Variants in HS2ST1 observed in about 807,000 individuals in gnomAD.
HS2ST1 encodes the protein 2-O-sulfotransferase.
A neutral mutation model predicts 42.9 loss-of-function variants in HS2ST1; 18 were observed. That is an observed-to-expected ratio of 0.42 (90% CI 0.29 to 0.62). The LOEUF is 0.62. Ranked by LOEUF, HS2ST1 falls within the 20% of genes least tolerant of loss-of-function variation. The probability of loss-of-function intolerance (pLI) is 0.21; values close to 1 mark genes in which losing one functional copy is unlikely to be tolerated. For missense variants in HS2ST1, 334 were observed against 433.8 expected, an observed-to-expected ratio of 0.77 and a Z score of 2.04; for synonymous variants, 146 against 152.9, an observed-to-expected ratio of 0.95 and a Z score of 0.33.
At chr1:87,048,316 C>T (rs531036368) in intron 1 of HS2ST1, among the ~76,000 whole-genome samples, 13 of 152,266 alleles carry the variant, frequency 8.5e-5, no homozygotes, top group African/African-American at 2.2e-4. Flanking sequence ...GGAATTTCTA[C>T]GCATTCAGTC....
In HS2ST1 at chr1:87,066,197, T is replaced by C. The variant is rs1651245870; in HGVS notation, c.125-6737T>C. 2.0e-5 allele frequency among the ~76,000 whole-genome samples: 3 copies of C among 152,256 alleles called. No homozygotes were observed. The South Asian group carries it at 6.2e-4, about 31-fold the overall frequency. Reference sequence around the variant, plus strand: ...CAGTATGGAAATAGGTAAATATTACTGTTACCTTTTAAAAGAATTGAGTTT... The same window carrying C: ...CAGTATGGAAATAGGTAAATATTACCGTTACCTTTTAAAAGAATTGAGTTT... On this transcript the variant is annotated intron_variant, in intron 1 of 6. Coordinates refer to ENST00000370550, the MANE Select transcript of HS2ST1 (RefSeq NM_012262.4).
intron 1 of HS2ST1, among the ~76,000 whole-genome samples, chr1:86,916,560 C>T (rs1483048873): frequency 1.3e-5 from 2 of 152,198 alleles, no homozygotes; most frequent in Non-Finnish European, 2.9e-5. Context: ...AGAGTTACTT[C>T]CAGCCCTCAA....
Position 87,011,409 on chromosome 1 carries a change from A to C in HS2ST1, c.125-61525A>C, listed in dbSNP as rs954946748. Among the ~76,000 whole-genome samples the C allele has an allele frequency of 8.6e-5, 13 of 151,920 alleles. No homozygotes were observed. The East Asian group carries it at 2.5e-3, about 29-fold the overall frequency. On this transcript the variant is annotated intron_variant, in intron 1 of 6. Transcript: ENST00000370550. The stretch of plus-strand genomic sequence containing the variant: ...AGGTGCACACCACCACACCCAGCTA[A>C]TTTTTTAATTTTTTTGTAGTGACAG...
At chr1:87,098,049 T>C (rs924593153) in intron 5 of HS2ST1, 114 bp downstream of exon 5, 2 of 1,502,658 alleles carry the variant, frequency 1.3e-6, no homozygotes, top group Admixed American at 4.6e-5. Flanking sequence ...AGACTAAAAA[T>C]AACATGTAAT....
intron 1 of HS2ST1, among the ~76,000 whole-genome samples, chr1:87,057,789 T>A (rs1468821500): frequency 6.6e-6 from 1 of 151,512 alleles, no homozygotes; most frequent in African/African-American, 2.4e-5. Flanking sequence ...AGGCGGAGCT[T>A]GCAGTGAGCT....
intron 1 of HS2ST1, among the ~76,000 whole-genome samples, chr1:87,056,538 CAA>C (rs1261923648): frequency 6.6e-6 from 1 of 152,060 alleles, no homozygotes; most frequent in Non-Finnish European, 1.5e-5. Flanking sequence ...GATATTTTCT[CAA>C]AAATGAATGA....
chr1:86,990,170 T>G (rs1377879589), intron 1 of HS2ST1, among the ~76,000 whole-genome samples: 2 of 152,208 alleles, frequency 1.3e-5, no homozygotes, highest in Non-Finnish European at 2.9e-5. Context: ...TTGAACTAAT[T>G]TACACTCCCA....
chr1:86,989,047 C>A (rs1225058791), intron 1 of HS2ST1, among the ~76,000 whole-genome samples: 1 of 152,216 alleles, frequency 6.6e-6, no homozygotes, highest in East Asian at 1.9e-4. Flanking sequence ...CTACTCAGTC[C>A]TCCCTTTCTT....
At chr1:86,935,744 G>A (rs983360992) in intron 1 of HS2ST1, among the ~76,000 whole-genome samples, 3 of 152,050 alleles carry the variant, frequency 2.0e-5, no homozygotes, top group Non-Finnish European at 4.4e-5. Context: ...AATTACAGGC[G>A]TGAGCCACCA....
chr1:87,071,047 CT>C (rs1651390989), intron 1 of HS2ST1, among the ~76,000 whole-genome samples: 1 of 152,104 alleles, frequency 6.6e-6, no homozygotes, highest in African/African-American at 2.4e-5. Context: ...CAGTTCATAC[CT>C]TCCCCCAGAA....
chr1:86,992,025 C>T (rs979782147), intron 1 of HS2ST1, among the ~76,000 whole-genome samples: 14 of 152,102 alleles, frequency 9.2e-5, no homozygotes, highest in Non-Finnish European at 1.6e-4. Flanking sequence ...CTCTGCCTCC[C>T]GTCAGATCAG....
intron 4 of HS2ST1, among the ~76,000 whole-genome samples, chr1:87,097,109 C>A (rs1652086040): frequency 1.3e-5 from 2 of 152,188 alleles, no homozygotes; most frequent in Non-Finnish European, 2.9e-5. Flanking sequence ...AAGGTGCAGT[C>A]TTTTCAGTAG....
chr1:87,014,813 A>G (rs1649703094), intron 1 of HS2ST1, among the ~76,000 whole-genome samples: 1 of 152,240 alleles, frequency 6.6e-6, no homozygotes. Flanking sequence ...ATTGATCTTT[A>G]TAGCCAAGGA....
chr1:87,001,481 A>C (rs1267067729), intron 1 of HS2ST1, among the ~76,000 whole-genome samples: 1 of 152,242 alleles, frequency 6.6e-6, no homozygotes, highest in Non-Finnish European at 1.5e-5. Flanking sequence ...AATGGTTTCT[A>C]AAAGTCCAAG....
chr1:87,062,766 T>C (rs2100624673), intron 1 of HS2ST1, among the ~76,000 whole-genome samples: 1 of 152,340 alleles, frequency 6.6e-6, no homozygotes, highest in Admixed American at 6.5e-5. Flanking sequence ...TCATGTGAGT[T>C]ACTTTCCCTT....
At chr1:86,988,953 C>T (rs1397125786) in intron 1 of HS2ST1, among the ~76,000 whole-genome samples, 1 of 152,224 alleles carries the variant, frequency 6.6e-6, no homozygotes, top group Non-Finnish European at 1.5e-5. Context: ...TGTATCACCC[C>T]GTATTCCTAT....
intron 1 of HS2ST1, among the ~76,000 whole-genome samples, chr1:87,002,615 A>T (rs1310406404): frequency 1.3e-5 from 2 of 151,662 alleles, no homozygotes; most frequent in African/African-American, 2.4e-5. Context: ...GTCTCAAAAA[A>T]AAAAAAAAGA....
At chr1:87,071,218 A>G (rs1482657723) in intron 1 of HS2ST1, among the ~76,000 whole-genome samples, 1 of 152,196 alleles carries the variant, frequency 6.6e-6, no homozygotes, top group Non-Finnish European at 1.5e-5. Context: ...TGTATTCTAT[A>G]TAACATGGTG....
At chr1:87,027,346 A>C (rs572403901) in intron 1 of HS2ST1, among the ~76,000 whole-genome samples, 1 of 152,198 alleles carries the variant, frequency 6.6e-6, no homozygotes, top group Non-Finnish European at 1.5e-5. Flanking sequence ...TCATTTTACC[A>C]ACAATTAGTG....
Sources: gnomAD v4.1 joint callset for allele counts (sites outside exome capture counted in the v4.1 genomes callset) on GRCh38, gnomAD v4.1.1 for gene constraint, MANE v1.5 for transcripts, NCBI Gene and HGNC (gene_info 2026-07-23, HGNC 2026-07-21) for gene names.